GPM6B: variants seen among roughly 807,000 people sequenced by gnomAD.
The protein encoded by GPM6B is glycoprotein M6B, also known as neuronal membrane glycoprotein M6-b.
In GPM6B, 4 loss-of-function variants were observed where a neutral mutation model predicts 27.2. The observed-to-expected ratio is 0.15, with a 90% CI of 0.07 to 0.34. GPM6B has a LOEUF of 0.34. Ranked by LOEUF, GPM6B falls within the 10% of genes least tolerant of loss-of-function variation. The probability of loss-of-function intolerance (pLI) is 1.00; values close to 1 mark genes in which losing one functional copy is unlikely to be tolerated. For synonymous variants in GPM6B, 124 were observed against 103.1 expected (o/e 1.20, Z -1.23); for missense variants, 183 against 261.9 (o/e 0.70, Z 2.08).
At chrX:13,852,478 T>C (rs992887844) in intron 1 of GPM6B, among the ~76,000 whole-genome samples, 4 of 111,516 alleles carry the variant, frequency 3.6e-5, no homozygotes, top group Non-Finnish European at 7.5e-5. Context: ...CTTCATTCAC[T>C]GTCTAACTTG....
chrX:13,806,195 G>A (rs1254285357), intron 2 of GPM6B, among the ~76,000 whole-genome samples: 1 of 111,317 alleles, frequency 9.0e-6, no homozygotes, highest in African/African-American at 3.3e-5. Flanking sequence ...CCTTCTCTCA[G>A]CCTCTGGCAA....
At chrX:13,883,853 C>T (rs1220598096) in intron 1 of GPM6B, among the ~76,000 whole-genome samples, 81 of 100,427 alleles carry the variant, frequency 8.1e-4, no homozygotes, top group African/African-American at 2.4e-3. Context: ...GTCTCTAAAC[C>T]AAAAAAAAAA....
chrX:13,793,040 T>C (rs1373663075), intron 2 of GPM6B, among the ~76,000 whole-genome samples: 2 of 103,858 alleles, frequency 1.9e-5, no homozygotes, highest in African/African-American at 7.2e-5. Context: ...GAGTCAAACA[T>C]ACCTCATTAT....
At chrX:13,821,744 GCAC>G (rs886100347), upstream of GPM6B, among the ~76,000 whole-genome samples, 8 of 111,103 alleles carry the variant, frequency 7.2e-5, no homozygotes, top group Non-Finnish European at 1.5e-4. Context: ...TTACAGGCAT[GCAC>G]CACCACCCTG....
intron 1 of GPM6B, among the ~76,000 whole-genome samples, chrX:13,840,814 ATGTG>A (rs112311117): frequency 2.8e-4 from 31 of 110,794 alleles, no homozygotes; most frequent in Non-Finnish European, 4.2e-4. Context: ...AGACACACAA[ATGTG>A]TGTGTGTGTG....
intron 1 of GPM6B, among the ~76,000 whole-genome samples, chrX:13,880,675 C>CAAAAAAAAAAAAAAAAAAAAAAAAAA (rs57849359): frequency 6.4e-5 from 3 of 46,617 alleles, no homozygotes; most frequent in Admixed American, 2.9e-4. Flanking sequence ...GGCTCCATCT[C>CAAAAAAAAAAAAAAAAAAAAAAAAAA]AAAAAAAAAA....
At chrX:13,928,847 T>C (rs1288308939) in intron 1 of GPM6B, among the ~76,000 whole-genome samples, 1 of 112,161 alleles carries the variant, frequency 8.9e-6, no homozygotes, top group Non-Finnish European at 1.9e-5. Flanking sequence ...TTTGCAAGTA[T>C]GGTCAGATGT....
At chrX:13,857,047 C>T (rs191115197) in intron 1 of GPM6B, among the ~76,000 whole-genome samples, 1,214 of 111,139 alleles carry the variant, frequency 0.011, 6 homozygotes, top group Non-Finnish European at 0.017. Context: ...AACATCTTTC[C>T]GATCTTTATC....
intron 1 of GPM6B, among the ~76,000 whole-genome samples, chrX:13,904,004 G>A (rs1422897075): frequency 1.8e-5 from 2 of 110,927 alleles, no homozygotes; most frequent in Non-Finnish European, 3.8e-5. Context: ...AGTTAGACAG[G>A]GCTTCTTAGA....
chrX:13,793,558 T>C (rs2048754510), intron 2 of GPM6B, among the ~76,000 whole-genome samples: 1 of 112,304 alleles, frequency 8.9e-6, no homozygotes, highest in Admixed American at 9.5e-5. Flanking sequence ...CAATACATAA[T>C]TCTGGTCTCA....
intron 1 of GPM6B, among the ~76,000 whole-genome samples, chrX:13,937,550 T>C (rs1323331984): frequency 9.0e-6 from 1 of 111,182 alleles, no homozygotes; most frequent in Admixed American, 9.5e-5. Context: ...CTGGAGTCTG[T>C]CACTAGAGAA....
chrX:13,821,221 A>G (rs1380849116), upstream of GPM6B, among the ~76,000 whole-genome samples: 1 of 112,185 alleles, frequency 8.9e-6, no homozygotes, highest in Non-Finnish European at 1.9e-5. Context: ...CACCCTCAAA[A>G]TAGGAGGCTC....
chrX:13,867,830 C>T (rs1469701909), intron 1 of GPM6B, among the ~76,000 whole-genome samples: 1 of 111,738 alleles, frequency 8.9e-6, no homozygotes, highest in African/African-American at 3.3e-5. Context: ...GTGGAACAGG[C>T]TCAGTGGCAG....
At chrX:13,860,438 G>T (rs890714948) in intron 1 of GPM6B, among the ~76,000 whole-genome samples, 54 of 86,304 alleles carry the variant, frequency 6.3e-4, no homozygotes, top group Middle Eastern at 5.5e-3. Flanking sequence ...AAAACGTGGG[G>T]TTTTTTTTTT....
intron 1 of GPM6B, among the ~76,000 whole-genome samples, chrX:13,867,185 C>T (rs1451503934): frequency 9.0e-6 from 1 of 111,657 alleles, no homozygotes. Context: ...TCACAGCTCA[C>T]TGTAGCCTCA....
intron 2 of GPM6B, among the ~76,000 whole-genome samples, chrX:13,805,757 A>G (rs2049010250): frequency 8.9e-6 from 1 of 111,899 alleles, no homozygotes; most frequent in African/African-American, 3.3e-5. Context: ...TTTATTCTTT[A>G]CCAGTTTAGT....
At chrX:13,920,747 C>T (rs1295065934) in intron 1 of GPM6B, among the ~76,000 whole-genome samples, 1 of 109,765 alleles carries the variant, frequency 9.1e-6, no homozygotes, top group East Asian at 2.8e-4. Flanking sequence ...AAAAATTAGC[C>T]GGGTGTGGTG....
chrX:13,842,244 G>A (rs781674852), intron 1 of GPM6B, among the ~76,000 whole-genome samples: 1 of 111,999 alleles, frequency 8.9e-6, no homozygotes, highest in South Asian at 3.7e-4. Context: ...TATCTGCAAT[G>A]GCTATGACCT....
chrX:13,812,044 CTTTCT>C (rs1245855555), intron 1 of GPM6B, among the ~76,000 whole-genome samples: 24 of 82,647 alleles, frequency 2.9e-4, no homozygotes, highest in South Asian at 2.6e-3. Context: ...CTTTTCTTTT[CTTTCT>C]TTTTTTTTTT....
Sources: gnomAD v4.1 joint callset for allele counts (sites outside exome capture counted in the v4.1 genomes callset) on GRCh38, gnomAD v4.1.1 for gene constraint, MANE v1.5 for transcripts, NCBI Gene and HGNC (gene_info 2026-07-23, HGNC 2026-07-21) for gene names.